The following CUL2 variants were observed in gnomAD, a reference collection of about 807,000 sequenced individuals.
CUL2 encodes the protein cullin-2.
Under a neutral mutation model 110.2 loss-of-function variants are expected in CUL2, and 22 were observed. The ratio of observed to expected loss-of-function variants is 0.20; its 90% confidence interval spans 0.14 to 0.28. The LOEUF (loss-of-function observed/expected upper bound fraction) is 0.28. Among genes scored for constraint, CUL2 ranks in the 10% least tolerant of loss-of-function variants. The pLI, the probability that CUL2 is intolerant of heterozygous loss-of-function variation, is 1.00. For missense variants in CUL2, 631 were observed against 905.5 expected (o/e 0.70, Z 3.89); for synonymous variants, 279 against 293.2 (o/e 0.95, Z 0.49).
chr10:35,031,212 C>T lies in CUL2; in HGVS notation c.1386+88G>A. 1.2e-6 allele frequency: 1 copy of T among 802,154 alleles called. No individual in the cohort carries two copies. The highest frequency in any genetic ancestry group is 2.0e-6 in the Non-Finnish European group (1 of 501,498). 49.7% of individuals were successfully genotyped at this position (802,154 alleles called of 1,614,324 possible). On this transcript the variant is annotated intron_variant, in intron 14 of 20. Transcript: ENST00000374749. This position sits in a 1 kb window ranked among gnomAD's most constrained non-coding sequence, Gnocchi z 4.4. ...CACATTTAACCAGATGAATTGTTTC[C>T]TGTTACTGTACACAATGCTGCAATG...
At chr10:35,019,593 T>C (rs180868195) in intron 17 of CUL2, among the ~76,000 whole-genome samples, 65 of 152,288 alleles carry the variant, frequency 4.3e-4, no homozygotes, top group African/African-American at 1.5e-3. Context: ...TGGCAAACCC[T>C]AAGAGACTAA....
Position 35,010,186 on chromosome 10 carries a change from A to G in CUL2, c.*125T>C. ...CATGACGTGGCACTGGTGATGTTGT[A>G]AACAGCAGAAAACAGGGGCTGCCAA... is the stretch of plus-strand genomic sequence containing the variant. On this transcript the variant is annotated 3_prime_UTR_variant, in exon 21 of 21. Transcript: ENST00000374749. 2 of 964,492 alleles carry G rather than the reference A, an allele frequency of 2.1e-6. No homozygotes were observed. Among genetic ancestry groups the G allele is most frequent in the East Asian group, 3.2e-5 (1 of 31,180 alleles). 59.7% of individuals were successfully genotyped at this position (964,492 alleles called of 1,614,324 possible).
At chr10:35,014,371 A>G (rs970928453) in intron 18 of CUL2, among the ~76,000 whole-genome samples, 1 of 152,206 alleles carries the variant, frequency 6.6e-6, no homozygotes, top group Non-Finnish European at 1.5e-5. Context: ...GCTCAGGGGA[A>G]AACTGTTTAG....
chr10:35,032,728 T>C (rs1168561567), intron 11 of CUL2, among the ~76,000 whole-genome samples: 2 of 152,188 alleles, frequency 1.3e-5, no homozygotes, highest in African/African-American at 4.8e-5. Flanking sequence ...TAACTCATTA[T>C]CGAAATTTGA....
chr10:35,050,322 C>CAA (rs71523355), intron 5 of CUL2, among the ~76,000 whole-genome samples: 115 of 90,926 alleles, frequency 1.3e-3, no homozygotes, highest in Middle Eastern at 5.7e-3. Flanking sequence ...GACTCCGTCT[C>CAA]AAAAAAAAAA....
intron 8 of CUL2, among the ~76,000 whole-genome samples, chr10:35,042,620 C>G (rs1397022189): frequency 6.6e-6 from 1 of 152,108 alleles, no homozygotes; most frequent in African/African-American, 2.4e-5. Context: ...GAAGCTTCCA[C>G]AAAAATCCAA....
In CUL2 at chr10:35,054,445, C is replaced by A; in HGVS notation, c.412G>T (p.Glu138Ter). 1 of 1,561,218 alleles carries A rather than the reference C, an allele frequency of 6.4e-7. No homozygotes were observed. Among genetic ancestry groups the A allele is most frequent in the Non-Finnish European group, 8.7e-7 (1 of 1,146,034 alleles). Residue 138 changes from glutamate (E) to a stop codon, truncating the protein, a stop_gained, in exon 5 of 21, where the codon GAA becomes TAA. Transcript: ENST00000374749. LOFTEE classifies it high-confidence loss of function. ...GGVDMNEPLMEIGELALDMWR... is the reference protein window; with the variant it reads ...GGVDMNEPLM ...AAAGAATGTCCTACCTCTCCTATTTCCATAAGTGGTTCATTCATATCTACA... is the reference window on the plus strand; with the variant it reads ...AAAGAATGTCCTACCTCTCCTATTTACATAAGTGGTTCATTCATATCTACA...
At chr10:35,014,998 C>T (rs570801504) in intron 18 of CUL2, among the ~76,000 whole-genome samples, 8 of 151,680 alleles carry the variant, frequency 5.3e-5, no homozygotes, top group African/African-American at 1.7e-4. Flanking sequence ...CTTAAGAAAT[C>T]CCTATTTTGG....
intron 4 of CUL2, among the ~76,000 whole-genome samples, chr10:35,057,589 G>A (rs1451708697): frequency 6.7e-6 from 1 of 150,142 alleles, no homozygotes; most frequent in Non-Finnish European, 1.5e-5. Flanking sequence ...GGAGGCGGAG[G>A]TTGCAGTGAG....
chr10:35,033,846 C>T (rs2085543371), intron 10 of CUL2, among the ~76,000 whole-genome samples: 1 of 151,882 alleles, frequency 6.6e-6, no homozygotes, highest in African/African-American at 2.4e-5. Flanking sequence ...GAAGAACCCA[C>T]CAAAAGCATA....
intron 1 of CUL2, among the ~76,000 whole-genome samples, chr10:35,107,130 G>A (rs1041241531): frequency 6.6e-6 from 1 of 151,792 alleles, no homozygotes; most frequent in East Asian, 1.9e-4. Context: ...GCCCACCACC[G>A]TGCCCGGCTA....
intron 2 of CUL2, among the ~76,000 whole-genome samples, chr10:35,066,446 C>T (rs750519997): frequency 5.3e-5 from 8 of 149,860 alleles, no homozygotes; most frequent in African/African-American, 1.7e-4. Context: ...TACAGTTGAG[C>T]GCCACCATGC....
intron 14 of CUL2, among the ~76,000 whole-genome samples, chr10:35,030,717 T>C (rs2085459244): frequency 6.6e-6 from 1 of 152,098 alleles, no homozygotes; most frequent in South Asian, 2.1e-4. Flanking sequence ...TTAAGTTTCT[T>C]TTTGGAGGTT....
In CUL2 at chr10:35,062,996, C is replaced by G. The variant is rs1265999070; in HGVS notation, c.186G>C (p.Lys62Asn). ...PLGERLYTETKIFLENHVRHL... is the reference protein window; with the variant it reads ...PLGERLYTETNIFLENHVRHL... Reference sequence around the variant, plus strand: ...GCCGAACATGATTTTCCAAAAAAATCTTAGTTTCTGTATAAAGTCTTTCTC... The same window carrying G: ...GCCGAACATGATTTTCCAAAAAAATGTTAGTTTCTGTATAAAGTCTTTCTC... Residue 62 changes from lysine (K) to asparagine (N), a missense_variant, in exon 3 of 21, where the codon AAG becomes AAC. Physicochemically the swap from Lys to Asn is moderately conservative, Grantham distance 94. Around this residue, in one of 3 missense-constraint regions of CUL2, gnomAD observed 338 missense variants for 442.5 expected, o/e 0.76. Coordinates refer to ENST00000374749, the MANE Select transcript of CUL2 (RefSeq NM_003591.4). 4 of 1,610,870 alleles carry G rather than the reference C, an allele frequency of 2.5e-6. No homozygotes were observed. In the Admixed American group the frequency reaches 5.0e-5, roughly 20 times the overall value.
Position 35,013,746 on chromosome 10 carries a change from T to C in CUL2, c.1942A>G (p.Arg648Gly). The C allele has an allele frequency of 6.4e-7, 1 of 1,567,472 alleles. No homozygotes were observed. Among genetic ancestry groups the C allele is most frequent in the South Asian group, 1.2e-5 (1 of 83,524 alleles). The change falls in exon 19 of 21, where the codon AGA (arginine) becomes GGA (glycine). Residue 648 changes from arginine (R) to glycine (G), a missense_variant. Coordinates refer to ENST00000374749, the MANE Select transcript of CUL2 (RefSeq NM_003591.4). ...FSLNMNFSSKRTKFKITTSMQ... is the reference protein window; with the variant it reads ...FSLNMNFSSKGTKFKITTSMQ... ...GATGTAGTAATTTTAAATTTTGTTC[T>C]TTTACTGCTAAAGTTCATATTTAAT...
At chr10:35,070,631 T>C (rs1362076181) in intron 2 of CUL2, among the ~76,000 whole-genome samples, 2 of 152,140 alleles carry the variant, frequency 1.3e-5, no homozygotes, top group Non-Finnish European at 2.9e-5. Context: ...ATGTAGGCAA[T>C]CTAATGAAAA....
intron 1 of CUL2, among the ~76,000 whole-genome samples, chr10:35,111,541 A>T (rs1455283685): frequency 6.6e-6 from 1 of 152,164 alleles, no homozygotes; most frequent in Non-Finnish European, 1.5e-5. Flanking sequence ...TACAGGTGTA[A>T]GCCATTGCAC....
chr10:35,071,138 C>A, intron 2 of CUL2, 61 bp downstream of exon 2: 4 of 1,518,596 alleles, frequency 2.6e-6, no homozygotes, highest in Non-Finnish European at 3.6e-6. Flanking sequence ...TGAACATGTT[C>A]TCAGTTTTCA....
intron 2 of CUL2, among the ~76,000 whole-genome samples, chr10:35,070,453 C>A (rs2086649055): frequency 1.3e-5 from 2 of 152,230 alleles, no homozygotes; most frequent in Admixed American, 1.3e-4. Flanking sequence ...AGAATGTACG[C>A]CCCATATAAT....
Sources: gnomAD v4.1 joint callset for allele counts (sites outside exome capture counted in the v4.1 genomes callset) on GRCh38, gnomAD v4.1.1 for gene constraint, gnomAD v4.1.1 regional missense constraint, Gnocchi (gnomAD v3.1) non-coding constraint, MANE v1.5 for transcripts, NCBI Gene and HGNC (gene_info 2026-07-23, HGNC 2026-07-21) for gene names.